Variants in CACNG3 observed in about 807,000 individuals in gnomAD.
CACNG3 encodes calcium voltage-gated channel auxiliary subunit gamma 3, also known as voltage-dependent calcium channel gamma-3 subunit.
CACNG3 carries 3 observed loss-of-function variants against 28.5 expected under a neutral mutation model. That is an observed-to-expected ratio of 0.11 (90% CI 0.05 to 0.27). The LOEUF (loss-of-function observed/expected upper bound fraction) is 0.27. CACNG3 is among the 10% of genes least tolerant of loss of function. CACNG3 has a pLI of 1.00. For synonymous variants in CACNG3, 174 were observed against 162.2 expected, an observed-to-expected ratio of 1.07 and a Z score of -0.55; for missense variants, 236 against 414.4, an observed-to-expected ratio of 0.57 and a Z score of 3.74.
At chr16:24,343,064 C>T (rs569881061) in intron 1 of CACNG3, among the ~76,000 whole-genome samples, 6 of 152,190 alleles carry the variant, frequency 3.9e-5, no homozygotes, top group Admixed American at 3.9e-4. Context: ...TGGTGCATGC[C>T]TGTAGTCCCA....
intron 1 of CACNG3, among the ~76,000 whole-genome samples, chr16:24,279,551 T>A (rs1474003124): frequency 6.6e-6 from 1 of 152,110 alleles, no homozygotes; most frequent in Non-Finnish European, 1.5e-5. Context: ...GCAATCCTCC[T>A]GCCTCAGCCT....
chr16:24,354,249 C>T (rs187847309), intron 2 of CACNG3, among the ~76,000 whole-genome samples: 2 of 152,236 alleles, frequency 1.3e-5, no homozygotes, highest in Admixed American at 1.3e-4. Context: ...TTTCTGTGAT[C>T]GCTCTCGATC....
intron 1 of CACNG3, among the ~76,000 whole-genome samples, chr16:24,305,491 C>T (rs972921470): frequency 2.6e-5 from 4 of 151,780 alleles, no homozygotes; most frequent in African/African-American, 7.3e-5. Flanking sequence ...CCTGAGTAGC[C>T]GTTGCACCCA....
intron 1 of CACNG3, among the ~76,000 whole-genome samples, chr16:24,338,170 C>T (rs972877328): frequency 7.9e-5 from 12 of 152,106 alleles, no homozygotes; most frequent in African/African-American, 2.9e-4. Flanking sequence ...TTTCCTTCTA[C>T]CTGGAAAGCT....
intron 1 of CACNG3, among the ~76,000 whole-genome samples, chr16:24,309,455 C>T (rs1420639159): frequency 6.6e-6 from 1 of 152,204 alleles, no homozygotes; most frequent in Non-Finnish European, 1.5e-5. Flanking sequence ...GAGAGAGCCA[C>T]CACATAAGCT....
At chr16:24,316,170 C>T (rs751829862) in intron 1 of CACNG3, among the ~76,000 whole-genome samples, 1 of 151,476 alleles carries the variant, frequency 6.6e-6, no homozygotes, top group Non-Finnish European at 1.5e-5. Flanking sequence ...ATCGCCATCA[C>T]TTTAACATCC....
At chr16:24,293,996 A>G (rs1455587722) in intron 1 of CACNG3, among the ~76,000 whole-genome samples, 6 of 152,144 alleles carry the variant, frequency 3.9e-5, no homozygotes, top group Non-Finnish European at 8.8e-5. Context: ...CTCTTCCTCC[A>G]GCCACTTCCT....
At chr16:24,265,913 T>A (rs891176609) in intron 1 of CACNG3, among the ~76,000 whole-genome samples, 7 of 152,214 alleles carry the variant, frequency 4.6e-5, no homozygotes, top group African/African-American at 1.7e-4. Context: ...CCCTGCTATA[T>A]CTCACTGTAG....
intron 1 of CACNG3, among the ~76,000 whole-genome samples, chr16:24,346,282 C>T (rs1342706563): frequency 1.3e-5 from 2 of 152,114 alleles, no homozygotes; most frequent in Admixed American, 1.3e-4. Context: ...AAGAAACATG[C>T]TGTTGATGAC....
At chr16:24,350,417 C>A (rs185734963) in intron 2 of CACNG3, among the ~76,000 whole-genome samples, 2 of 151,990 alleles carry the variant, frequency 1.3e-5, no homozygotes, top group East Asian at 1.9e-4. Flanking sequence ...TAGGCTCAAG[C>A]CTCTTGAGCT....
At chr16:24,353,798 G>C (rs1231423568) in intron 2 of CACNG3, among the ~76,000 whole-genome samples, 1 of 152,202 alleles carries the variant, frequency 6.6e-6, no homozygotes, top group East Asian at 1.9e-4. Context: ...GATGCGTGCA[G>C]GGAAAGATTC....
chr16:24,312,576 G>T (rs1219693950), intron 1 of CACNG3, among the ~76,000 whole-genome samples: 2 of 152,178 alleles, frequency 1.3e-5, no homozygotes, highest in Non-Finnish European at 2.9e-5. Flanking sequence ...AGCACCCTGG[G>T]AGGTTAAAGC....
chr16:24,265,435 G>C (rs1232061776), intron 1 of CACNG3, among the ~76,000 whole-genome samples: 2 of 8,062 alleles, frequency 2.5e-4, no homozygotes, highest in Non-Finnish European at 4.4e-4. Context: ...AGGAAGGAGA[G>C]AGAGAGAAAG....
intron 1 of CACNG3, among the ~76,000 whole-genome samples, chr16:24,344,041 C>T (rs1166495747): frequency 6.6e-6 from 1 of 152,048 alleles, no homozygotes; most frequent in African/African-American, 2.4e-5. Context: ...GATTGCGTCA[C>T]TGCACTCCAG....
At chr16:24,271,301 T>C (rs11866284) in intron 1 of CACNG3, among the ~76,000 whole-genome samples, 102,060 of 152,138 alleles carry the variant, frequency 0.67, 34,812 homozygotes, top group African/African-American at 0.79. Context: ...AGCACCTCAT[T>C]AGCACTGTCT....
At chr16:24,281,427 C>G (rs1898826120) in intron 1 of CACNG3, among the ~76,000 whole-genome samples, 3 of 151,898 alleles carry the variant, frequency 2.0e-5, no homozygotes, top group Admixed American at 6.6e-5. Flanking sequence ...GGCTGCTCTC[C>G]AACTCTTGAG....
chr16:24,325,932 G>A (rs1899535778), intron 1 of CACNG3, among the ~76,000 whole-genome samples: 1 of 152,200 alleles, frequency 6.6e-6, no homozygotes, highest in Admixed American at 6.5e-5. Context: ...TTGGCTGATG[G>A]AACTGAAATA....
At chr16:24,314,763 T>TCCTCCTCCC (rs1555460398) in intron 1 of CACNG3, among the ~76,000 whole-genome samples, 2 of 132,282 alleles carry the variant, frequency 1.5e-5, no homozygotes, top group South Asian at 2.5e-4. Context: ...CTCCTCCTCC[T>TCCTCCTCCC]CCTCCTCCAA....
chr16:24,262,173 C>A (rs1281945794), intron 1 of CACNG3, among the ~76,000 whole-genome samples: 1 of 152,156 alleles, frequency 6.6e-6, no homozygotes, highest in Non-Finnish European at 1.5e-5. Context: ...TAATGCTGCA[C>A]CCTCCCTCAG....
Sources: allele counts gnomAD v4.1 joint callset (sites outside exome capture counted in the v4.1 genomes callset), GRCh38; gene constraint gnomAD v4.1.1; transcripts MANE v1.5; gene names NCBI Gene and HGNC (gene_info 2026-07-23, HGNC 2026-07-21).